VSNL1: variants seen among roughly 807,000 people sequenced by gnomAD.
VSNL1 encodes the protein visinin like 1, also known as visinin-like protein 1.
VSNL1 carries 6 observed loss-of-function variants against 20.4 expected under a neutral mutation model. The observed-to-expected ratio is 0.29, with a 90% confidence interval of 0.16 to 0.58. The LOEUF (loss-of-function observed/expected upper bound fraction) is 0.58. Ranked by LOEUF, VSNL1 falls within the 20% of genes least tolerant of loss-of-function variation. The probability of loss-of-function intolerance (pLI) is 0.90; values close to 1 mark genes in which losing one functional copy is unlikely to be tolerated. For synonymous variants in VSNL1, 93 were observed against 86.4 expected, an observed-to-expected ratio of 1.08 and a Z score of -0.42; for missense variants, 100 against 234.5, an observed-to-expected ratio of 0.43 and a Z score of 3.75.
intron 1 of VSNL1, among the ~76,000 whole-genome samples, chr2:17,572,038 G>C (rs1173504644): frequency 6.6e-6 from 1 of 152,194 alleles, no homozygotes; most frequent in Non-Finnish European, 1.5e-5. Context: ...GGTAATAAGA[G>C]ATAAAGCTGG....
At position 17,585,808 on chromosome 2, in the gene VSNL1, C is replaced by CT. The variant is rs55893675; in HGVS notation, c.-5-6248dup. ...TGTGTGATCTTGGAATTCTTTTTTTCTTTTTTTTTTTTTTGAGGCAGAGTT... is the reference window on the plus strand; with the variant it reads ...TGTGTGATCTTGGAATTCTTTTTTTCTTTTTTTTTTTTTTTGAGGCAGAGTT... On this transcript the variant is annotated intron_variant, in intron 1 of 3. Transcript: ENST00000295156. Among the ~76,000 whole-genome samples the CT allele has an allele frequency of 2.1e-3, 299 of 143,238 alleles. 1 individual carries two copies. Among genetic ancestry groups the CT allele is most frequent in the East Asian group, 8.1e-3 (40 of 4,944 alleles). 94.0% of individuals were successfully genotyped at this position (143,238 alleles called of 152,430 possible). A position where few individuals can be genotyped will look rare whatever the true frequency, so the allele number is the denominator to read the frequency against.
intron 2 of VSNL1, among the ~76,000 whole-genome samples, chr2:17,628,376 T>A (rs941480512): frequency 4.6e-5 from 7 of 151,810 alleles, no homozygotes; most frequent in African/African-American, 1.5e-4. Context: ...AGGGAGTGCA[T>A]GATAAAAGCT....
intron 1 of VSNL1, among the ~76,000 whole-genome samples, chr2:17,585,218 A>G (rs1304952940): frequency 1.3e-5 from 2 of 152,086 alleles, no homozygotes; most frequent in African/African-American, 4.8e-5. Context: ...TGTTCTTTCC[A>G]GAAGCTGCTT....
intron 2 of VSNL1, among the ~76,000 whole-genome samples, chr2:17,596,470 G>C (rs1209174495): frequency 6.6e-6 from 1 of 152,170 alleles, no homozygotes; most frequent in African/African-American, 2.4e-5. Context: ...GGTTTAATGA[G>C]AAAATCAACC....
intron 1 of VSNL1, among the ~76,000 whole-genome samples, chr2:17,586,645 C>A (rs1664480637): frequency 6.8e-6 from 1 of 147,930 alleles, no homozygotes; most frequent in African/African-American, 2.4e-5. Context: ...TAGCACAGAG[C>A]TTTTCTCCTG....
At chr2:17,650,251 C>T (rs1170020111) in intron 3 of VSNL1, among the ~76,000 whole-genome samples, 2 of 152,224 alleles carry the variant, frequency 1.3e-5, no homozygotes, top group Non-Finnish European at 2.9e-5. Flanking sequence ...ATCCCATCTC[C>T]CAGAGAGGTC....
chr2:17,598,807 A>C (rs186213736), intron 2 of VSNL1, among the ~76,000 whole-genome samples: 2 of 152,346 alleles, frequency 1.3e-5, no homozygotes, highest in African/African-American at 4.8e-5. Context: ...CTTAATTGGC[A>C]CTAAGACAAA....
intron 1 of VSNL1, among the ~76,000 whole-genome samples, chr2:17,550,980 A>G (rs1464928752): frequency 1.3e-5 from 2 of 152,206 alleles, no homozygotes; most frequent in Admixed American, 6.5e-5. Flanking sequence ...ATACATGTCT[A>G]AGTCCCCTTT....
intron 2 of VSNL1, among the ~76,000 whole-genome samples, chr2:17,607,250 C>T (rs970758865): frequency 3.3e-5 from 5 of 152,194 alleles, no homozygotes; most frequent in Non-Finnish European, 7.3e-5. Flanking sequence ...AGTTACAAAC[C>T]TGTCTGGGTT....
intron 1 of VSNL1, among the ~76,000 whole-genome samples, chr2:17,546,363 G>A (rs985487850): frequency 1.3e-5 from 2 of 151,352 alleles, no homozygotes; most frequent in African/African-American, 2.4e-5. Flanking sequence ...TATTTCTTAG[G>A]CTCTGAAAGA....
At chr2:17,644,174 G>A (rs958318555) in intron 2 of VSNL1, among the ~76,000 whole-genome samples, 1 of 152,226 alleles carries the variant, frequency 6.6e-6, no homozygotes, top group African/African-American at 2.4e-5. Flanking sequence ...CCTCATGGAT[G>A]TGAAGAGCTG....
intron 2 of VSNL1, among the ~76,000 whole-genome samples, chr2:17,628,379 T>C (rs1665557150): frequency 6.6e-6 from 1 of 152,016 alleles, no homozygotes; most frequent in Non-Finnish European, 1.5e-5. Flanking sequence ...GAGTGCATGA[T>C]AAAAGCTCAG....
intron 2 of VSNL1, among the ~76,000 whole-genome samples, chr2:17,626,359 A>G (rs62133589): frequency 0.054 from 8,166 of 152,214 alleles, 257 homozygotes; most frequent in East Asian, 0.092. Context: ...CAGTGAGCAC[A>G]TGTGGAAGTC....
At chr2:17,608,767 C>T (rs1175490736) in intron 2 of VSNL1, among the ~76,000 whole-genome samples, 3 of 152,074 alleles carry the variant, frequency 2.0e-5, no homozygotes, top group Non-Finnish European at 4.4e-5. Context: ...GACCATTTCC[C>T]CAAGAATCAA....
At chr2:17,620,699 T>C (rs1665334535) in intron 2 of VSNL1, among the ~76,000 whole-genome samples, 1 of 152,232 alleles carries the variant, frequency 6.6e-6, no homozygotes, top group Non-Finnish European at 1.5e-5. Flanking sequence ...ACACCCACTA[T>C]TGTCTTTTAT....
chr2:17,548,908 T>C (rs1421511469), intron 1 of VSNL1, among the ~76,000 whole-genome samples: 3 of 152,202 alleles, frequency 2.0e-5, no homozygotes, highest in Non-Finnish European at 4.4e-5. Context: ...AGACATGTCT[T>C]CTGCTAAACT....
intron 2 of VSNL1, among the ~76,000 whole-genome samples, chr2:17,619,127 C>A (rs1431473176): frequency 6.6e-6 from 1 of 152,208 alleles, no homozygotes; most frequent in African/African-American, 2.4e-5. Context: ...AAGAGGCTGC[C>A]ATCTCCCCAG....
chr2:17,558,180 G>A (rs1663733513), intron 1 of VSNL1, among the ~76,000 whole-genome samples: 1 of 152,130 alleles, frequency 6.6e-6, no homozygotes, highest in Non-Finnish European at 1.5e-5. Context: ...CTTATGTCCT[G>A]ACATAAGGTT....
intron 2 of VSNL1, among the ~76,000 whole-genome samples, chr2:17,616,641 G>A (rs1224271002): frequency 6.6e-6 from 1 of 152,226 alleles, no homozygotes; most frequent in Non-Finnish European, 1.5e-5. Flanking sequence ...TTACTTGTGT[G>A]TATGTCTCCA....
Sources: allele counts gnomAD v4.1 joint callset (sites outside exome capture counted in the v4.1 genomes callset), GRCh38; gene constraint gnomAD v4.1.1; transcripts MANE v1.5; gene names NCBI Gene and HGNC (gene_info 2026-07-23, HGNC 2026-07-21).